SVOPL: variants seen among roughly 807,000 people sequenced by gnomAD.
SVOPL encodes the protein putative transporter SVOPL.
A neutral mutation model predicts 61.0 loss-of-function variants in SVOPL; 60 were observed. The ratio of observed to expected loss-of-function variants is 0.98; its 90% CI spans 0.80 to 1.22. The LOEUF (loss-of-function observed/expected upper bound fraction) is 1.22. Among genes scored for constraint, SVOPL ranks in the 50% most tolerant of loss-of-function variants. The pLI, the probability that SVOPL is intolerant of heterozygous loss-of-function variation, is 0.00. For missense variants in SVOPL, 662 were observed against 643.9 expected (o/e 1.03, Z -0.30); for synonymous variants, 279 against 250.0 (o/e 1.12, Z -1.09).
chr7:138,659,715 T>A, intron 6 of SVOPL, 149 bp downstream of exon 6: 2 of 810,442 alleles, frequency 2.5e-6, no homozygotes, highest in Non-Finnish European at 3.8e-6. Context: ...TCCTTAACTT[T>A]GGCAAAAATA....
intron 6 of SVOPL, among the ~76,000 whole-genome samples, chr7:138,659,246 CT>C (rs1415044727): frequency 3.4e-4 from 52 of 152,216 alleles, no homozygotes; most frequent in South Asian, 2.9e-3. Context: ...AATCCTAGCA[CT>C]TAGGGAGGCC....
At chr7:138,669,152 C>G (rs745563332) in intron 4 of SVOPL, among the ~76,000 whole-genome samples, 7 of 152,138 alleles carry the variant, frequency 4.6e-5, no homozygotes, top group Non-Finnish European at 1.0e-4. Context: ...AAGCTTTGTT[C>G]CAAAAGGAAT....
At chr7:138,664,695 G>A (rs867402699) in intron 4 of SVOPL, among the ~76,000 whole-genome samples, 1 of 149,008 alleles carries the variant, frequency 6.7e-6, no homozygotes, top group African/African-American at 2.5e-5. Flanking sequence ...ACCCTCCATC[G>A]GGCGCACCCC....
intron 6 of SVOPL, among the ~76,000 whole-genome samples, chr7:138,659,204 T>G (rs1801888281): frequency 6.6e-6 from 1 of 152,132 alleles, no homozygotes; most frequent in African/African-American, 2.4e-5. Context: ...AGAAAATGTT[T>G]AGATCAGCCA....
At chr7:138,608,975 C>T (rs1048532893) in intron 14 of SVOPL, among the ~76,000 whole-genome samples, 3 of 152,180 alleles carry the variant, frequency 2.0e-5, no homozygotes, top group Admixed American at 6.5e-5. Flanking sequence ...CATATATATA[C>T]ACACATATTT....
rs1802044183 is a variant in SVOPL, at chr7:138,662,518, C to A, written c.345+556G>T. The A allele has an allele frequency of 9.1e-6, 9 of 985,462 alleles. No individual in the cohort carries two copies. In the South Asian group the frequency reaches 3.3e-4, roughly 36 times the overall value. 61.0% of individuals were successfully genotyped at this position (985,462 alleles called of 1,614,324 possible). A position where few individuals can be genotyped will look rare whatever the true frequency, so the allele number is the denominator to read the frequency against. ...ACAGCTTCTTCTGAGCTTGCTGTTG[C>A]AGCAGTGGACTAGTCATTTAAATGA... On this transcript the variant is annotated intron_variant, in intron 5 of 15. Transcript: ENST00000674285.
At chr7:138,608,062 A>G (rs1798832385) in intron 14 of SVOPL, among the ~76,000 whole-genome samples, 1 of 152,206 alleles carries the variant, frequency 6.6e-6, no homozygotes, top group Admixed American at 6.5e-5. Flanking sequence ...ATAGCAAGAC[A>G]CATAGGATCT....
chr7:138,608,335 GTAA>G (rs1370017742), intron 14 of SVOPL, among the ~76,000 whole-genome samples: 1 of 152,176 alleles, frequency 6.6e-6, no homozygotes, highest in African/African-American at 2.4e-5. Context: ...TCTCATTAGA[GTAA>G]TAAAAAGAAC....
At chr7:138,626,101 C>T (rs1226404572) in intron 12 of SVOPL, 51 bp from the exon 13 acceptor site, 1 of 1,568,262 alleles carries the variant, frequency 6.4e-7, no homozygotes, top group Non-Finnish European at 8.7e-7. Flanking sequence ...TGGAGGACCA[C>T]CTCCAGTGGC....
chr7:138,602,478 TA>T (rs1798571659), intron 14 of SVOPL, among the ~76,000 whole-genome samples: 1 of 144,616 alleles, frequency 6.9e-6, no homozygotes, highest in African/African-American at 2.5e-5. Flanking sequence ...TATATATATG[TA>T]GATGTGTGTG....
chr7:138,698,242 T>G (rs1803115079), intron 1 of SVOPL, among the ~76,000 whole-genome samples: 1 of 152,088 alleles, frequency 6.6e-6, no homozygotes, highest in Admixed American at 6.6e-5. Context: ...CTGCCTGCAT[T>G]TCCTCATCTG....
intron 13 of SVOPL, among the ~76,000 whole-genome samples, chr7:138,621,834 C>CTATCTATCTATGTATCTATCTATCTATG (rs1799586399): frequency 1.5e-5 from 1 of 65,238 alleles, no homozygotes; most frequent in Non-Finnish European, 3.2e-5. Flanking sequence ...ATCTATGTAT[C>CTATCTATCTATGTATCTATCTATCTATG]TATCTATCTA....
intron 14 of SVOPL, among the ~76,000 whole-genome samples, chr7:138,603,126 T>C (rs1017221864): frequency 6.6e-6 from 1 of 152,168 alleles, no homozygotes; most frequent in Non-Finnish European, 1.5e-5. Flanking sequence ...AACATATGTA[T>C]ATGAAAGCAT....
chr7:138,669,002 G>T (rs539863291), intron 4 of SVOPL, among the ~76,000 whole-genome samples: 1 of 152,290 alleles, frequency 6.6e-6, no homozygotes, highest in East Asian at 1.9e-4. Context: ...CCCAGAAAGC[G>T]ATACAACAAA....
rs1006139947 is a variant in SVOPL at position 138,629,073 on chromosome 7, T to G, written c.864-710A>C. Among the ~76,000 whole-genome samples, 32 of 145,210 alleles carry G rather than the reference T, an allele frequency of 2.2e-4. 1 individual carries two copies. The highest frequency in any genetic ancestry group is 3.5e-3 in the Middle Eastern group (1 of 284). On this transcript the variant is annotated intron_variant, in intron 10 of 15. Coordinates refer to ENST00000674285, the MANE Select transcript of SVOPL (RefSeq NM_001139456.2). Reference sequence around the variant, plus strand: ...ATTTTTAAAAACTTAAAAAACTGGGTTATTTTTTCCTGTTGAAAAAATGAT... The same window carrying G: ...ATTTTTAAAAACTTAAAAAACTGGGGTATTTTTTCCTGTTGAAAAAATGAT...
Position 138,628,098 on chromosome 7 carries a change from G to T in SVOPL, c.1069+60C>A, listed in dbSNP as rs537728983. The T allele has an allele frequency of 7.7e-5, 122 of 1,587,548 alleles. No individual in the cohort carries two copies. The East Asian group carries it at 2.7e-3, about 35-fold the overall frequency. On this transcript the variant is annotated intron_variant, in intron 11 of 15. Transcript: ENST00000674285. ...ACAGGGTCACACTTCTCTCAGCTAA[G>T]ACTCAAGTGCACATAGACCACCCAA...
intron 1 of SVOPL, among the ~76,000 whole-genome samples, chr7:138,693,060 T>C (rs296917): frequency 0.22 from 33,144 of 152,018 alleles, 3,802 homozygotes; most frequent in Middle Eastern, 0.34. Flanking sequence ...CTATAACATA[T>C]TGGGAGAATA....
intron 9 of SVOPL, among the ~76,000 whole-genome samples, chr7:138,640,325 G>A (rs563051075): frequency 7.2e-5 from 11 of 151,884 alleles, no homozygotes; most frequent in African/African-American, 2.2e-4. Context: ...TCTGCCTCCC[G>A]GGTTCAAGCA....
intron 13 of SVOPL, among the ~76,000 whole-genome samples, chr7:138,621,970 CTATG>C (rs1799614970): frequency 4.5e-4 from 16 of 35,236 alleles, no homozygotes; most frequent in Admixed American, 9.0e-4. Context: ...ATGTATCTAT[CTATG>C]TATCTATCTA....
Sources: gnomAD v4.1 joint callset for allele counts (sites outside exome capture counted in the v4.1 genomes callset) on GRCh38, gnomAD v4.1.1 for gene constraint, MANE v1.5 for transcripts, NCBI Gene and HGNC (gene_info 2026-07-23, HGNC 2026-07-21) for gene names.